Variants in RHBDF1 observed in about 807,000 individuals in gnomAD.
RHBDF1 encodes the protein inactive rhomboid protein 1.
A neutral mutation model predicts 98.6 loss-of-function variants in RHBDF1; 80 were observed. The ratio of observed to expected loss-of-function variants is 0.81; its 90% CI spans 0.68 to 0.98. The LOEUF (loss-of-function observed/expected upper bound fraction) is 0.98. Among genes scored for constraint, RHBDF1 ranks in the 50% least tolerant of loss-of-function variants. RHBDF1 has a pLI of 0.00. For missense variants in RHBDF1, 1,116 were observed against 1,198.3 expected (o/e 0.93, Z 1.01); for synonymous variants, 512 against 486.8 (o/e 1.05, Z -0.68).
chr16:70,704 G>C (rs958820147), intron 1 of RHBDF1, among the ~76,000 whole-genome samples: 4 of 152,158 alleles, frequency 2.6e-5, no homozygotes, highest in African/African-American at 9.7e-5. Context: ...GGCCTATAAG[G>C]GAGCTCAAAG....
chr16:71,268 G>C lies in RHBDF1; in HGVS notation c.-25+1245C>G, dbSNP rs572840493. Among the ~76,000 whole-genome samples the C allele has an allele frequency of 6.6e-5, 10 of 152,320 alleles. No individual in the cohort carries two copies. The South Asian group carries it at 2.1e-3, about 32-fold the overall frequency. On this transcript the variant is annotated intron_variant, in intron 1 of 17. Transcript: ENST00000262316. ...TTGGAAGGGCTGGGAAAGGGTCTGA[G>C]GCCCCTTCAATCTGGCACCACCAGA...
rs199535001 is a variant in RHBDF1, at chr16:60,432, G to C, written c.1658+7C>G. ...AGGCAGGTGAGAGAGCTGCCGGCAG[G>C]ACTAACCTGGGATCCTGGTGGCAGA... is the stretch of plus-strand genomic sequence containing the variant. On this transcript the variant is annotated splice_region_variant and intron_variant, in intron 12 of 17. Transcript: ENST00000262316. 2.2e-5 allele frequency: 35 copies of C among 1,611,320 alleles called. No individual in the cohort carries two copies. Among genetic ancestry groups the C allele is most frequent in the East Asian group, 8.9e-5 (4 of 44,880 alleles).
chr16:66,140 G>A (rs1440105545), intron 1 of RHBDF1, among the ~76,000 whole-genome samples: 2 of 152,224 alleles, frequency 1.3e-5, no homozygotes, highest in Admixed American at 6.5e-5. Flanking sequence ...AGCATGACAC[G>A]AGACAGATAG....
chr16:69,450 C>T (rs930166168), intron 1 of RHBDF1, among the ~76,000 whole-genome samples: 28 of 152,240 alleles, frequency 1.8e-4, no homozygotes, highest in African/African-American at 6.5e-4. Flanking sequence ...GGACACCTTC[C>T]CAGACGTGTC....
intron 1 of RHBDF1, among the ~76,000 whole-genome samples, chr16:69,426 G>A (rs944134554): frequency 6.6e-6 from 1 of 152,156 alleles, no homozygotes; most frequent in Non-Finnish European, 1.5e-5. Context: ...GCTGGAGCAA[G>A]GGGCCTCACC....
In RHBDF1 at chr16:60,229, A is replaced by G; in HGVS notation, c.1709T>C (p.Ile570Thr). 1 of 1,614,010 alleles carries G rather than the reference A, an allele frequency of 6.2e-7. No individual in the cohort carries two copies. The highest frequency in any genetic ancestry group is 1.7e-5 in the Admixed American group (1 of 60,016). Reference protein sequence around the residue: ...SEDPHEWPEDITKWPICTKNS... With the variant: ...SEDPHEWPEDTTKWPICTKNS... ...ACTGCAGCTCACCGGCCACTTGGTG[A>G]TGTCTTCTGGCCACTCATGAGGGTC... The change falls in exon 13 of 18, where the codon ATC (isoleucine) becomes ACC (threonine). Residue 570 changes from isoleucine to threonine, a missense_variant. Transcript: ENST00000262316.
At chr16:65,486 A>G (rs1355871981) in intron 1 of RHBDF1, among the ~76,000 whole-genome samples, 1 of 152,194 alleles carries the variant, frequency 6.6e-6, no homozygotes, top group African/African-American at 2.4e-5. Flanking sequence ...CCTCCCCATG[A>G]AGTAACAGCT....
chr16:72,519 C>T lies in RHBDF1; in HGVS notation c.-31G>A, dbSNP rs1460712759. 3.6e-6 allele frequency: 3 copies of T among 831,276 alleles called. No homozygotes were observed. The highest frequency in any genetic ancestry group is 3.9e-6 in the Non-Finnish European group (3 of 760,016). 51.5% of individuals were successfully genotyped at this position (831,276 alleles called of 1,614,324 possible). A position where few individuals can be genotyped will look rare whatever the true frequency, so the allele number is the denominator to read the frequency against. ...CCCGGCCGCGCTCACTCACTGCCGCCGCCGGGGGCTCTGGGGGGTCCTGAG... is the reference window on the plus strand; with the variant it reads ...CCCGGCCGCGCTCACTCACTGCCGCTGCCGGGGGCTCTGGGGGGTCCTGAG... On this transcript the variant is annotated 5_prime_UTR_variant, in exon 1 of 18. Transcript: ENST00000262316.
rs1222415028 is a variant in RHBDF1, at chr16:72,474, C to T, written c.-25+39G>A. ...TCCGGACGCAGCCCCGGAACCCGCCCGCCCCCGGAGCCCTGCGCTCCCGGC... is the reference window on the plus strand; with the variant it reads ...TCCGGACGCAGCCCCGGAACCCGCCTGCCCCCGGAGCCCTGCGCTCCCGGC... On this transcript the variant is annotated intron_variant, in intron 1 of 17. Transcript: ENST00000262316. The T allele has an allele frequency of 1.3e-5, 12 of 957,378 alleles. No homozygotes were observed. In the Admixed American group the frequency reaches 1.9e-4, roughly 15 times the overall value. The allele number at this position is 957,378 out of a possible 1,614,324, so 59.3% of individuals were successfully genotyped here.
intron 12 of RHBDF1, 69 bp from the exon 13 acceptor site, chr16:60,348 G>T: frequency 1.2e-6 from 2 of 1,603,932 alleles, no homozygotes; most frequent in Non-Finnish European, 8.5e-7. Context: ...CAGCCAAGTC[G>T]CCAACAAGAG....
Position 63,139 on chromosome 16 carries a change from T to A in RHBDF1, c.506A>T (p.Asp169Val), listed in dbSNP as rs1393106404. 2 of 1,597,544 alleles carry A rather than the reference T, an allele frequency of 1.3e-6. No individual in the cohort carries two copies. The highest frequency in any genetic ancestry group is 2.2e-5 in the South Asian group (2 of 89,010). ...LARGRAFRVA[D>V]DTAEGLSAPH... ...GGCACTCAGGCCTTCCGCAGTGTCATCTGCCACACGGAAGGCACGGCCACG... is the reference window on the plus strand; with the variant it reads ...GGCACTCAGGCCTTCCGCAGTGTCAACTGCCACACGGAAGGCACGGCCACG... The change falls in exon 5 of 18, where the codon GAT (aspartate) becomes GTT (valine). Residue 169 changes from aspartate (D) to valine (V), a missense_variant. Coordinates refer to ENST00000262316, the MANE Select transcript of RHBDF1 (RefSeq NM_022450.5).
chr16:59,627 C>T, intron 14 of RHBDF1, 105 bp downstream of exon 14: 2 of 1,496,716 alleles, frequency 1.3e-6, no homozygotes, highest in Non-Finnish European at 1.8e-6. Flanking sequence ...AACCCCACAT[C>T]CTTGGTATAC....
chr16:59,223 C>G (rs1380927548), intron 16 of RHBDF1, 26 bp downstream of exon 16: 1 of 1,590,742 alleles, frequency 6.3e-7, no homozygotes, highest in South Asian at 1.1e-5. Context: ...CCTGAGACCC[C>G]CGACCCGGCC....
Position 62,180 on chromosome 16 carries a change from TCTC to T in RHBDF1, c.954-131_954-129del, listed in dbSNP as rs1160318442. ...TGCGCAAGTCGCCCGGCATCTGCCT[TCTC>T]CTTGCCAGTAAAAAAGCAACACTGC... is the stretch of plus-strand genomic sequence containing the variant. On this transcript the variant is annotated intron_variant, in intron 7 of 17. Transcript: ENST00000262316. The T allele has an allele frequency of 3.1e-6, 4 of 1,310,104 alleles. No homozygotes were observed. In the African/African-American group the frequency reaches 4.5e-5, roughly 15 times the overall value. 81.2% of individuals were successfully genotyped at this position (1,310,104 alleles called of 1,614,324 possible). A position where few individuals can be genotyped will look rare whatever the true frequency, so the allele number is the denominator to read the frequency against.
rs369275078 is a variant in RHBDF1, at chr16:63,524, C to G, written c.462+63G>C. On this transcript the variant is annotated intron_variant, in intron 4 of 17. Coordinates refer to ENST00000262316, the MANE Select transcript of RHBDF1 (RefSeq NM_022450.5). ...CCCTTCTGCTCAGGCTGGCTGTGTC[C>G]GCAGCCCCAGCCCCTGAGAGCGGAA... 686 of 1,382,216 alleles carry G rather than the reference C, an allele frequency of 5.0e-4. 8 individuals are homozygous for G. The South Asian group carries it at 8.5e-3, about 17-fold the overall frequency. 85.6% of individuals were successfully genotyped at this position (1,382,216 alleles called of 1,614,324 possible).
At position 58,460 on chromosome 16, in the gene RHBDF1, A is replaced by G; in HGVS notation, c.2448T>C (p.Ala816=). 1.2e-6 allele frequency: 2 copies of G among 1,614,122 alleles called. No homozygotes were observed. Among genetic ancestry groups the G allele is most frequent in the Non-Finnish European group, 1.7e-6 (2 of 1,180,036 alleles). ...IFQVVFLGLL[A]GLVVLFYVYP... is the part of the protein sequence containing the mutation. The stretch of plus-strand genomic sequence containing the variant: ...AGACGTAGAAGAGGACCACCAGGCC[A>G]GCCAGGAGGCCCAGGAAGACCACCT... The change falls in exon 18 of 18, where the codon GCT becomes GCC. Residue 816 remains alanine, a synonymous_variant. Transcript: ENST00000262316.
chr16:58,326 A>G lies in RHBDF1; in HGVS notation c.*14T>C. 6.2e-7 allele frequency: 1 copy of G among 1,603,084 alleles called. No individual in the cohort carries two copies. Among genetic ancestry groups the G allele is most frequent in the Non-Finnish European group, 8.5e-7 (1 of 1,173,794 alleles). ...GCCTGCTGGAGCACACGGCCGCTGG[A>G]GCCCGCAGCCAGCTCAGTGGAGCTG... On this transcript the variant is annotated 3_prime_UTR_variant, in exon 18 of 18. Transcript: ENST00000262316.
intron 1 of RHBDF1, among the ~76,000 whole-genome samples, chr16:71,723 TGG>T (rs1897974365): frequency 6.6e-6 from 1 of 152,050 alleles, no homozygotes; most frequent in Non-Finnish European, 1.5e-5. Context: ...AAGCAGGCCC[TGG>T]GGGGCCAGGG....
Position 61,332 on chromosome 16 carries a change from C to G in RHBDF1, c.1396-51G>C, listed in dbSNP as rs958579603. ...GCAGTCCGGGGCCTCCTGCCCCCGC[C>G]GGGCACCTCCAGGTCCCGCCCCCGC... On this transcript the variant is annotated intron_variant, in intron 10 of 17. Coordinates refer to ENST00000262316, the MANE Select transcript of RHBDF1 (RefSeq NM_022450.5). 11 of 1,543,764 alleles carry G rather than the reference C, an allele frequency of 7.1e-6. No homozygotes were observed. In the Admixed American group the frequency reaches 1.8e-4, roughly 25 times the overall value.
Sources: allele counts gnomAD v4.1 joint callset (sites outside exome capture counted in the v4.1 genomes callset), GRCh38; gene constraint gnomAD v4.1.1; transcripts MANE v1.5; gene names NCBI Gene and HGNC (gene_info 2026-07-23, HGNC 2026-07-21).